ATP6V1H: variants seen among roughly 807,000 people sequenced by gnomAD.
The protein encoded by ATP6V1H is V-type proton ATPase subunit H.
In ATP6V1H, 39 loss-of-function variants were observed where a neutral mutation model predicts 71.7. That is an observed-to-expected ratio of 0.54 (90% CI 0.42 to 0.71). ATP6V1H has a LOEUF of 0.71. Ranked by LOEUF, ATP6V1H falls within the 30% of genes least tolerant of loss-of-function variation. ATP6V1H has a pLI of 0.00. For synonymous variants in ATP6V1H, 192 were observed against 199.3 expected (o/e 0.96, Z 0.31); for missense variants, 509 against 594.9 (o/e 0.86, Z 1.50).
intron 4 of ATP6V1H, among the ~76,000 whole-genome samples, chr8:53,818,272 ATTTAT>A (rs1184392261): frequency 2.0e-5 from 3 of 152,032 alleles, no homozygotes; most frequent in Admixed American, 6.6e-5. Flanking sequence ...TAATTTATTT[ATTTAT>A]TTTATTTCCA....
intron 11 of ATP6V1H, among the ~76,000 whole-genome samples, chr8:53,764,990 A>AGCT (rs1398199651): frequency 2.6e-5 from 4 of 152,176 alleles, no homozygotes; most frequent in Admixed American, 6.5e-5. Flanking sequence ...CTGTAGTCCT[A>AGCT]GCTGCTCAAG....
chr8:53,754,995 G>A (rs1326742806), intron 12 of ATP6V1H, among the ~76,000 whole-genome samples: 2 of 152,168 alleles, frequency 1.3e-5, no homozygotes, highest in African/African-American at 4.8e-5. Flanking sequence ...GGGGGTGCAG[G>A]GGCTACCATT....
intron 8 of ATP6V1H, among the ~76,000 whole-genome samples, chr8:53,799,325 G>C (rs894199451): frequency 6.6e-6 from 1 of 152,078 alleles, no homozygotes; most frequent in Admixed American, 6.6e-5. Flanking sequence ...TAATAAGAAA[G>C]TTAGAGATTG....
intron 5 of ATP6V1H, among the ~76,000 whole-genome samples, chr8:53,817,128 C>T (rs983207960): frequency 3.3e-5 from 5 of 152,032 alleles, no homozygotes; most frequent in Non-Finnish European, 2.9e-5. Context: ...TCATAAAAGG[C>T]CCAGGTTTCT....
intron 6 of ATP6V1H, 100 bp from the exon 7 acceptor site, chr8:53,811,317 A>G (rs907694377): frequency 2.1e-6 from 2 of 930,340 alleles, no homozygotes; most frequent in Non-Finnish European, 3.3e-6. Flanking sequence ...CCCTAATTCT[A>G]TGTAATAATT....
intron 12 of ATP6V1H, among the ~76,000 whole-genome samples, chr8:53,755,729 T>C (rs1383253315): frequency 5.4e-4 from 4 of 7,372 alleles, no homozygotes; most frequent in African/African-American, 3.5e-3. Context: ...TATATATATA[T>C]ATATATATAT....
chr8:53,775,965 G>A (rs1808865060), intron 9 of ATP6V1H, among the ~76,000 whole-genome samples: 1 of 152,238 alleles, frequency 6.6e-6, no homozygotes, highest in African/African-American at 2.4e-5. Context: ...TGCTCATCAG[G>A]GAGGCTCAGG....
chr8:53,807,965 T>G (rs774818442), intron 7 of ATP6V1H, among the ~76,000 whole-genome samples: 39 of 152,142 alleles, frequency 2.6e-4, no homozygotes, highest in African/African-American at 8.9e-4. Flanking sequence ...ATCACAGAAA[T>G]TTCTACTGGA....
chr8:53,733,360 C>T (rs1807092497), intron 13 of ATP6V1H, among the ~76,000 whole-genome samples: 1 of 152,220 alleles, frequency 6.6e-6, no homozygotes, highest in African/African-American at 2.4e-5. Flanking sequence ...AACTCCCCCA[C>T]TATCTTCAGG....
intron 2 of ATP6V1H, 35 bp from the exon 3 acceptor site, chr8:53,833,121 G>C: frequency 1.3e-6 from 2 of 1,539,216 alleles, no homozygotes; most frequent in Non-Finnish European, 8.9e-7. Flanking sequence ...TGTTCAGTAA[G>C]AGTTGAATAT....
chr8:53,758,010 A>C (rs1167441627), intron 11 of ATP6V1H, among the ~76,000 whole-genome samples: 4 of 152,262 alleles, frequency 2.6e-5, no homozygotes, highest in South Asian at 2.1e-4. Context: ...GTTCCTCCTC[A>C]GGAAGAGTCT....
intron 9 of ATP6V1H, among the ~76,000 whole-genome samples, chr8:53,780,773 G>C (rs1465231353): frequency 6.6e-6 from 1 of 151,950 alleles, no homozygotes; most frequent in Admixed American, 6.6e-5. Flanking sequence ...TCCCACCTAT[G>C]AGTGAGAATA....
intron 2 of ATP6V1H, among the ~76,000 whole-genome samples, chr8:53,840,120 G>A (rs1052231357): frequency 6.6e-6 from 1 of 152,138 alleles, no homozygotes; most frequent in African/African-American, 2.4e-5. Flanking sequence ...AGCCCCTTCA[G>A]GAAAATTTCC....
At chr8:53,794,477 TG>T (rs1335451986) in intron 9 of ATP6V1H, among the ~76,000 whole-genome samples, 1 of 152,194 alleles carries the variant, frequency 6.6e-6, no homozygotes, top group Non-Finnish European at 1.5e-5. Flanking sequence ...GCGATTCTCC[TG>T]TCTCAGCCTC....
chr8:53,817,717 T>C (rs778616114), intron 4 of ATP6V1H, among the ~76,000 whole-genome samples, 187 bp from the exon 5 acceptor site: 1 of 152,020 alleles, frequency 6.6e-6, no homozygotes, highest in Non-Finnish European at 1.5e-5. Context: ...GATATTTTAC[T>C]AAAAAAATCA....
intron 9 of ATP6V1H, among the ~76,000 whole-genome samples, chr8:53,775,261 A>G (rs114432150): frequency 0.11 from 16,550 of 152,104 alleles, 1,306 homozygotes; most frequent in East Asian, 0.37. Context: ...CCTCCACGGT[A>G]TTACAGCTCA....
chr8:53,755,800 C>T (rs1185085381), intron 12 of ATP6V1H, among the ~76,000 whole-genome samples: 1 of 87,876 alleles, frequency 1.1e-5, no homozygotes, highest in East Asian at 3.2e-4. Context: ...CTCTGTCGCC[C>T]AGGCTGGAGT....
intron 13 of ATP6V1H, among the ~76,000 whole-genome samples, chr8:53,721,011 G>A (rs1157720771): frequency 6.6e-6 from 1 of 151,964 alleles, no homozygotes; most frequent in Non-Finnish European, 1.5e-5. Context: ...ATCCTGTTGT[G>A]GAAAACAAGC....
intron 13 of ATP6V1H, among the ~76,000 whole-genome samples, chr8:53,735,072 C>T (rs1807154357): frequency 6.6e-6 from 1 of 152,182 alleles, no homozygotes; most frequent in Non-Finnish European, 1.5e-5. Context: ...GTATTACCTG[C>T]CAGCAGCACA....
Sources: allele counts gnomAD v4.1 joint callset (sites outside exome capture counted in the v4.1 genomes callset), GRCh38; gene constraint gnomAD v4.1.1; transcripts MANE v1.5; gene names NCBI Gene and HGNC (gene_info 2026-07-23, HGNC 2026-07-21).